SMCO1: variants seen among roughly 807,000 people sequenced by gnomAD.
The protein encoded by SMCO1 is single-pass membrane and coiled-coil domain-containing protein 1.
A neutral mutation model predicts 7.5 loss-of-function variants in SMCO1; 9 were observed. That is an observed-to-expected ratio of 1.20 (90% CI 0.72 to 2.09). The LOEUF (loss-of-function observed/expected upper bound fraction) is 2.09. Ranked by LOEUF, SMCO1 falls within the 30% of genes most tolerant of loss-of-function variation. The probability of loss-of-function intolerance (pLI) is 0.00; values close to 1 mark genes in which losing one functional copy is unlikely to be tolerated. For synonymous variants in SMCO1, 90 were observed against 93.8 expected, an observed-to-expected ratio of 0.96 and a Z score of 0.23; for missense variants, 219 against 253.1, an observed-to-expected ratio of 0.87 and a Z score of 0.91.
chr3:196,507,851 A>T lies in SMCO1; in HGVS notation c.*36T>A. Reference sequence around the variant, plus strand: ...CTTTTTGCTGTTTCCAAGATAAATTACTGTAGGTGGAATCACTGGGTCATA... The same window carrying T: ...CTTTTTGCTGTTTCCAAGATAAATTTCTGTAGGTGGAATCACTGGGTCATA... On this transcript the variant is annotated 3_prime_UTR_variant, in exon 3 of 3. Coordinates refer to ENST00000397537, the MANE Select transcript of SMCO1 (RefSeq NM_001077657.3). 1 of 1,342,086 alleles carries T rather than the reference A, an allele frequency of 7.5e-7. No homozygotes were observed. Among genetic ancestry groups the T allele is most frequent in the Non-Finnish European group, 1.0e-6 (1 of 964,434 alleles). The allele number at this position is 1,342,086 out of a possible 1,614,324, so 83.1% of individuals were successfully genotyped here. A position where few individuals can be genotyped will look rare whatever the true frequency, so the allele number is the denominator to read the frequency against.
intron 1 of SMCO1, among the ~76,000 whole-genome samples, chr3:196,511,378 C>T (rs1733224984): frequency 6.8e-6 from 1 of 147,742 alleles, no homozygotes; most frequent in Non-Finnish European, 1.5e-5. Flanking sequence ...CTGCCTGGGC[C>T]ACCTAGATTG....
At chr3:196,518,654 T>G (rs1057453373), upstream of SMCO1, among the ~76,000 whole-genome samples, 3 of 151,932 alleles carry the variant, frequency 2.0e-5, no homozygotes, top group Non-Finnish European at 4.4e-5. Flanking sequence ...ATGTCATTTT[T>G]GGGGGCTCAT....
chr3:196,512,682 A>G (rs1560284599), intron 1 of SMCO1, among the ~76,000 whole-genome samples: 1 of 150,784 alleles, frequency 6.6e-6, no homozygotes, highest in African/African-American at 2.4e-5. Context: ...TAATTTTTGT[A>G]TTTTTAGTAG....
chr3:196,507,729 G>T lies in SMCO1; in HGVS notation c.*158C>A. On this transcript the variant is annotated 3_prime_UTR_variant, in exon 3 of 3. Coordinates refer to ENST00000397537, the MANE Select transcript of SMCO1 (RefSeq NM_001077657.3). ...AAGAGCTTCTTCATTCTTTTATATG[G>T]CTGCAAAGAAAGTATCTATTGTATC... 2 of 583,964 alleles carry T rather than the reference G, an allele frequency of 3.4e-6. No individual in the cohort carries two copies. The highest frequency in any genetic ancestry group is 6.1e-6 in the Non-Finnish European group (2 of 329,500). 36.2% of individuals were successfully genotyped at this position (583,964 alleles called of 1,614,324 possible).
intron 1 of SMCO1, 105 bp from the exon 2 acceptor site, chr3:196,509,774 G>T: frequency 5.1e-6 from 5 of 983,850 alleles, no homozygotes; most frequent in South Asian, 3.0e-5. Context: ...TACCAAATTT[G>T]GATAACTTTT....
At chr3:196,520,248 T>C (rs1733468538), upstream of SMCO1, among the ~76,000 whole-genome samples, 1 of 152,186 alleles carries the variant, frequency 6.6e-6, no homozygotes, top group South Asian at 2.1e-4. Flanking sequence ...GAAGGGCAAA[T>C]GGTCTGAGGT....
At position 196,515,158 on chromosome 3, in the gene SMCO1, A is replaced by G. The variant is rs2108664255; in HGVS notation, c.50+2T>C. 1 of 1,614,144 alleles carries G rather than the reference A, an allele frequency of 6.2e-7. No individual in the cohort carries two copies. The highest frequency in any genetic ancestry group is 8.5e-7 in the Non-Finnish European group (1 of 1,179,978). ...TGCTCCCTCCCTATAGCCCTCAGCA[A>G]CCTTTTCATTGCCTCCTTCAAGGAT... On this transcript the variant is annotated splice_donor_variant, in intron 1 of 2. Transcript: ENST00000397537. LOFTEE classifies it high-confidence loss of function.
chr3:196,518,631 A>G (rs1199631658), upstream of SMCO1, among the ~76,000 whole-genome samples: 1 of 152,196 alleles, frequency 6.6e-6, no homozygotes, highest in East Asian at 1.9e-4. Flanking sequence ...GTGTTTCCCT[A>G]GACAACGTAG....
chr3:196,513,703 T>C (rs1733310936), intron 1 of SMCO1, among the ~76,000 whole-genome samples: 1 of 151,898 alleles, frequency 6.6e-6, no homozygotes, highest in South Asian at 2.1e-4. Flanking sequence ...CTATATTGCT[T>C]ATAGGTCATC....
At chr3:196,511,121 C>G (rs1260277009) in intron 1 of SMCO1, among the ~76,000 whole-genome samples, 1 of 145,626 alleles carries the variant, frequency 6.9e-6, no homozygotes, top group East Asian at 2.0e-4. Flanking sequence ...GCCTGGGCCA[C>G]CTAGATTGTC....
In SMCO1 at chr3:196,510,695, C is replaced by G. The variant is rs113431479; in HGVS notation, c.51-1026G>C. ...ATCTACCTGGTGATCTCCTTGCCCC[C>G]CTGCGTCTCGCTTACAAGCACTGCC... is the stretch of plus-strand genomic sequence containing the variant. On this transcript the variant is annotated intron_variant, in intron 1 of 2. Coordinates refer to ENST00000397537, the MANE Select transcript of SMCO1 (RefSeq NM_001077657.3). Among the ~76,000 whole-genome samples, 1,335 of 152,272 alleles carry G rather than the reference C, an allele frequency of 8.8e-3. 16 individuals are homozygous for G. The highest frequency in any genetic ancestry group is 0.029 in the African/African-American group (1,224 of 41,540).
In SMCO1 at chr3:196,507,957, C is replaced by G; in HGVS notation, c.575G>C (p.Gly192Ala). The G allele has an allele frequency of 6.2e-6, 10 of 1,614,112 alleles. No homozygotes were observed. Among genetic ancestry groups the G allele is most frequent in the Non-Finnish European group, 8.5e-6 (10 of 1,180,026 alleles). ...LLRAVQVIEK[G>A]KAVRTPEKQK... Reference sequence around the variant, plus strand: ...CTTTTCAGGGGTCCTAACTGCTTTCCCCTTCTCAATTACCTGCACAGCCCT... The same window carrying G: ...CTTTTCAGGGGTCCTAACTGCTTTCGCCTTCTCAATTACCTGCACAGCCCT... Residue 192 changes from glycine to alanine, a missense_variant, in exon 3 of 3, where the codon GGG becomes GCG. Transcript: ENST00000397537.
intron 1 of SMCO1, among the ~76,000 whole-genome samples, chr3:196,512,646 G>A (rs1031655667): frequency 4.2e-4 from 64 of 151,294 alleles, no homozygotes; most frequent in African/African-American, 1.4e-3. Context: ...CGAGTAGCTG[G>A]GATTACAGGC....
upstream of SMCO1, among the ~76,000 whole-genome samples, chr3:196,515,705 T>C (rs973181145): frequency 6.6e-6 from 1 of 151,932 alleles, no homozygotes; most frequent in African/African-American, 2.4e-5. Context: ...TAGAAACTAC[T>C]AAATACTTGT....
At chr3:196,515,387 A>T (rs1451064008), upstream of SMCO1, 1 of 585,406 alleles carries the variant, frequency 1.7e-6, no homozygotes, top group East Asian at 2.9e-5. Flanking sequence ...TAGCCTGCAG[A>T]TCCAAATATA....
chr3:196,510,234 C>G (rs1377051031), intron 1 of SMCO1, among the ~76,000 whole-genome samples: 1 of 152,190 alleles, frequency 6.6e-6, no homozygotes, highest in East Asian at 1.9e-4. Context: ...TCCCAAAGTA[C>G]TGGGATTACA....
Position 196,515,172 on chromosome 3 carries a change from T to C in SMCO1, c.38A>G (p.Glu13Gly). 1 of 1,614,070 alleles carries C rather than the reference T, an allele frequency of 6.2e-7. No homozygotes were observed. The highest frequency in any genetic ancestry group is 8.5e-7 in the Non-Finnish European group (1 of 1,179,920). ...AGCCCTCAGCAACCTTTTCATTGCC[T>C]CCTTCAAGGATATCAGGGTTGTGGT... is the stretch of plus-strand genomic sequence containing the variant. The part of the protein sequence containing the change: ...NETTTLISLK[E>G]AMKRVDHKLQ... The change falls in exon 1 of 3, where the codon GAG becomes GGG. Residue 13 changes from glutamate to glycine, a missense_variant. Coordinates refer to ENST00000397537, the MANE Select transcript of SMCO1 (RefSeq NM_001077657.3).
At chr3:196,514,989 C>G (rs1733348272) in intron 1 of SMCO1, 171 bp downstream of exon 1, 2 of 741,756 alleles carry the variant, frequency 2.7e-6, no homozygotes, top group Non-Finnish European at 4.6e-6. Context: ...ATCCGCCCAC[C>G]TCGGCCTCCC....
At chr3:196,514,498 G>A (rs1445053984) in intron 1 of SMCO1, among the ~76,000 whole-genome samples, 1 of 152,020 alleles carries the variant, frequency 6.6e-6, no homozygotes, top group Admixed American at 6.6e-5. Context: ...CTTCATGTTC[G>A]CATAGACCTT....
Sources: allele counts gnomAD v4.1 joint callset (sites outside exome capture counted in the v4.1 genomes callset), GRCh38; gene constraint gnomAD v4.1.1; transcripts MANE v1.5; gene names NCBI Gene and HGNC (gene_info 2026-07-23, HGNC 2026-07-21).